CHM: variants seen among roughly 807,000 people sequenced by gnomAD.
The protein encoded by CHM is rab proteins geranylgeranyltransferase component A 1.
In CHM, 10 loss-of-function variants were observed where a neutral mutation model predicts 49.0. That is an observed-to-expected ratio of 0.20 (90% CI 0.13 to 0.35). The LOEUF is 0.35. CHM is among the 10% of genes least tolerant of loss of function. The pLI is 1.00. For synonymous variants in CHM, 184 were observed against 167.5 expected (o/e 1.10, Z -0.76); for missense variants, 455 against 478.4 (o/e 0.95, Z 0.46).
Position 85,900,676 on chromosome X carries a change from T to C in CHM, c.1383A>G (p.Arg461=). 8.4e-7 allele frequency: 1 copy of C among 1,188,807 alleles called. No individual in the cohort carries two copies. The highest frequency in any genetic ancestry group is 1.8e-5 in the South Asian group (1 of 55,534). Residue 461 remains arginine (R), a synonymous_variant, in exon 11 of 15, where the codon AGA becomes AGG. Coordinates refer to ENST00000357749, the MANE Select transcript of CHM (RefSeq NM_000390.4). ...GATCTGAATCTGTTTTTAGGACAGA[T>C]CTATCTGTAATCAGCACTGCCCTGG... ...QISRAVLITD[R]SVLKTDSDQQ... is the part of the protein sequence containing the mutation.
intron 12 of CHM, among the ~76,000 whole-genome samples, chrX:85,880,302 A>G (rs1168103139): frequency 9.0e-6 from 1 of 111,683 alleles, no homozygotes; most frequent in Admixed American, 9.5e-5. Context: ...AATGAGCTTC[A>G]TAACAAAAAT....
intron 1 of CHM, among the ~76,000 whole-genome samples, chrX:86,030,291 C>T (rs1933988426): frequency 8.9e-6 from 1 of 112,578 alleles, no homozygotes; most frequent in Non-Finnish European, 1.9e-5. Context: ...AATTCATAAG[C>T]TGTTCTAATG....
chrX:85,973,288 A>C (rs1931054680), intron 4 of CHM, among the ~76,000 whole-genome samples: 1 of 75,547 alleles, frequency 1.3e-5, no homozygotes, highest in African/African-American at 5.3e-5. Flanking sequence ...ACACAGTGAG[A>C]CTCTGTCTCG....
intron 11 of CHM, 141 bp from the exon 12 acceptor site, chrX:85,894,425 T>G: frequency 2.2e-6 from 1 of 453,087 alleles, no homozygotes; most frequent in South Asian, 3.4e-5. Flanking sequence ...AAGGATTTAA[T>G]TTTGGAACAG....
chrX:86,019,687 C>T (rs993763058), intron 2 of CHM: 1 of 111,985 alleles, frequency 8.9e-6, no homozygotes, highest in Non-Finnish European at 1.9e-5. Flanking sequence ...TCCTTTTCAA[C>T]TCCCACTGCT....
intron 12 of CHM, among the ~76,000 whole-genome samples, chrX:85,882,324 C>A (rs1387063927): frequency 2.7e-5 from 3 of 111,196 alleles, no homozygotes; most frequent in Non-Finnish European, 5.7e-5. Context: ...CAATACAGGC[C>A]AACAACGACC....
chrX:85,909,550 C>T (rs1926805793), intron 9 of CHM, among the ~76,000 whole-genome samples: 1 of 111,597 alleles, frequency 9.0e-6, no homozygotes, highest in African/African-American at 3.3e-5. Flanking sequence ...GTTTGAAAAC[C>T]ACCAATCTAG....
intron 4 of CHM, 118 bp from the exon 5 acceptor site, chrX:85,964,170 T>C (rs1190641400): frequency 1.7e-6 from 1 of 599,834 alleles, no homozygotes; most frequent in Admixed American, 4.1e-5. Flanking sequence ...CATCTGTTAA[T>C]GTTTCAGTAA....
chrX:86,047,114 G>A (rs1217877115), intron 1 of CHM: 1 of 276,002 alleles, frequency 3.6e-6, no homozygotes, highest in African/African-American at 2.8e-5. Context: ...ATATCACCTT[G>A]AAATCAATAA....
intron 8 of CHM, among the ~76,000 whole-genome samples, chrX:85,931,133 G>T (rs1378072021): frequency 1.8e-5 from 2 of 111,062 alleles, no homozygotes; most frequent in African/African-American, 6.5e-5. Flanking sequence ...AGGTAATTCT[G>T]ATAAAAATAA....
chrX:86,018,638 G>A (rs1478552947), intron 2 of CHM, among the ~76,000 whole-genome samples: 1 of 111,806 alleles, frequency 8.9e-6, no homozygotes, highest in Non-Finnish European at 1.9e-5. Flanking sequence ...ATCACTCCAG[G>A]TACCCTTCAA....
intron 14 of CHM, among the ~76,000 whole-genome samples, chrX:85,866,777 C>A (rs1218849499): frequency 8.8e-6 from 1 of 113,219 alleles, no homozygotes; most frequent in Non-Finnish European, 1.9e-5. Context: ...GATTTTGGAG[C>A]TTTAAGATTT....
intron 8 of CHM, among the ~76,000 whole-genome samples, chrX:85,951,940 G>A (rs1254339736): frequency 8.9e-6 from 1 of 111,918 alleles, no homozygotes; most frequent in Non-Finnish European, 1.9e-5. Flanking sequence ...GGGGGATGTA[G>A]CATTGAACTT....
intron 1 of CHM, 183 bp downstream of exon 1, chrX:86,047,301 C>A (rs1934687987): frequency 8.0e-6 from 4 of 499,397 alleles, no homozygotes; most frequent in Admixed American, 5.4e-5. Context: ...ATAAGCACTG[C>A]GGGTCCCAGC....
intron 8 of CHM, among the ~76,000 whole-genome samples, chrX:85,915,192 C>T (rs1274757323): frequency 2.7e-5 from 3 of 111,420 alleles, no homozygotes; most frequent in African/African-American, 6.5e-5. Flanking sequence ...AAGAAAACCT[C>T]GGGCCAATAT....
In CHM at chrX:85,963,830, T is replaced by G. The variant is rs766404520; in HGVS notation, c.537A>C (p.Glu179Asp). 1.7e-6 allele frequency: 2 copies of G among 1,211,824 alleles called. No homozygotes were observed. The highest frequency in any genetic ancestry group is 4.3e-5 in the Admixed American group (2 of 46,010). ...VNGAEVTGEK[E>D]NHCDDKTCVP... is the part of the protein sequence containing the mutation. ...CACAAGTTTTATCATCACAATGGTT[T>G]TCTTTTTCCCCTGTCACTTCAGCAC... The change falls in exon 5 of 15, where the codon GAA (glutamate) becomes GAC (aspartate). Residue 179 changes from glutamate (E) to aspartate (D), a missense_variant. Transcript: ENST00000357749.
At chrX:85,915,470 GAAAT>G (rs1433263813) in intron 8 of CHM, among the ~76,000 whole-genome samples, 1 of 111,877 alleles carries the variant, frequency 8.9e-6, no homozygotes. Context: ...GCAAGAGAAA[GAAAT>G]AAAGTGCATC....
intron 2 of CHM, among the ~76,000 whole-genome samples, chrX:86,025,713 A>C (rs1933779737): frequency 2.2e-5 from 2 of 91,583 alleles, no homozygotes; most frequent in African/African-American, 8.5e-5. Context: ...AAAAAGAAAA[A>C]GGAAAAGAAA....
At chrX:85,916,542 A>T (rs1490959841) in intron 8 of CHM, among the ~76,000 whole-genome samples, 4 of 111,615 alleles carry the variant, frequency 3.6e-5, no homozygotes, top group Non-Finnish European at 7.6e-5. Context: ...AATTTTTACA[A>T]TCTATCTATC....
Sources: gnomAD v4.1 joint callset for allele counts (sites outside exome capture counted in the v4.1 genomes callset) on GRCh38, gnomAD v4.1.1 for gene constraint, MANE v1.5 for transcripts, NCBI Gene and HGNC (gene_info 2026-07-23, HGNC 2026-07-21) for gene names.